FGF12: variants seen among roughly 807,000 people sequenced by gnomAD.
The protein encoded by FGF12 is fibroblast growth factor 12.
Under a neutral mutation model 23.6 loss-of-function variants are expected in FGF12, and 14 were observed. The ratio of observed to expected loss-of-function variants is 0.59; its 90% CI spans 0.39 to 0.93. FGF12 has a LOEUF of 0.93. Ranked by LOEUF, FGF12 falls within the 40% of genes least tolerant of loss-of-function variation. FGF12 has a pLI of 0.00. For synonymous variants in FGF12, 62 were observed against 77.3 expected (o/e 0.80, Z 1.04); for missense variants, 175 against 217.8 (o/e 0.80, Z 1.24).
At chr3:192,552,103 G>C (rs1711550534) in intron 2 of FGF12, among the ~76,000 whole-genome samples, 1 of 151,998 alleles carries the variant, frequency 6.6e-6, no homozygotes, top group South Asian at 2.1e-4. Context: ...GGACTAATGA[G>C]AATTCTATAA....
intron 2 of FGF12, among the ~76,000 whole-genome samples, chr3:192,459,194 A>C (rs2108806222): frequency 6.6e-6 from 1 of 152,336 alleles, no homozygotes; most frequent in Non-Finnish European, 1.5e-5. Flanking sequence ...TTGTAACATA[A>C]TTCCTAGAAT....
intron 2 of FGF12, among the ~76,000 whole-genome samples, chr3:192,406,880 G>A (rs973899036): frequency 3.9e-5 from 6 of 152,132 alleles, no homozygotes; most frequent in East Asian, 1.9e-4. Context: ...CCAACAGCAC[G>A]CCACAGTCAG....
intron 2 of FGF12, among the ~76,000 whole-genome samples, chr3:192,622,727 C>A (rs1715017871): frequency 6.6e-6 from 1 of 152,110 alleles, no homozygotes; most frequent in African/African-American, 2.4e-5. Flanking sequence ...ACCTTGTACC[C>A]ACAAATAAAC....
chr3:192,158,122 T>C (rs1379985499), intron 5 of FGF12, among the ~76,000 whole-genome samples: 1 of 152,124 alleles, frequency 6.6e-6, no homozygotes, highest in Non-Finnish European at 1.5e-5. Context: ...TGGTCGTAAG[T>C]CAAAACCTTG....
At chr3:192,635,909 T>A (rs1376511098) in intron 2 of FGF12, among the ~76,000 whole-genome samples, 1 of 152,190 alleles carries the variant, frequency 6.6e-6, no homozygotes, top group South Asian at 2.1e-4. Flanking sequence ...CAAGTCTTAA[T>A]TGATGATGTC....
chr3:192,600,616 C>T lies in FGF12; in HGVS notation c.13+126565G>A, dbSNP rs773554362. Among the ~76,000 whole-genome samples the T allele has an allele frequency of 8.6e-5, 13 of 151,880 alleles. 1 individual carries two copies. Among genetic ancestry groups the T allele is most frequent in the Non-Finnish European group, 1.8e-4 (12 of 67,920 alleles). On this transcript the variant is annotated intron_variant, in intron 2 of 5. Transcript: ENST00000445105. ...TCTCAACAGCAAAAAACAAACAATT[C>T]AATTTAAAAATGGGCAAATGAACTG... is the stretch of plus-strand genomic sequence containing the variant.
chr3:192,541,830 C>T (rs1577044587), intron 2 of FGF12, among the ~76,000 whole-genome samples: 1 of 151,890 alleles, frequency 6.6e-6, no homozygotes, highest in Non-Finnish European at 1.5e-5. Context: ...TCCTTCAGCA[C>T]GTTAAATATG....
chr3:192,618,382 G>A (rs916551447), intron 2 of FGF12, among the ~76,000 whole-genome samples: 1 of 151,966 alleles, frequency 6.6e-6, no homozygotes, highest in African/African-American at 2.4e-5. Context: ...AGTCCATCAA[G>A]TTCTGGCAGA....
At chr3:192,327,923 T>A (rs903661806) in intron 4 of FGF12, among the ~76,000 whole-genome samples, 7 of 152,336 alleles carry the variant, frequency 4.6e-5, no homozygotes, top group African/African-American at 1.4e-4. Flanking sequence ...CAAACTGCAT[T>A]ATTTTTAAGT....
chr3:192,567,803 CTT>C (rs1712407258), intron 2 of FGF12, among the ~76,000 whole-genome samples: 1 of 99,720 alleles, frequency 1.0e-5, no homozygotes, highest in East Asian at 2.7e-4. Flanking sequence ...CTTTCTTTCT[CTT>C]TCTTTCTTTC....
intron 2 of FGF12, among the ~76,000 whole-genome samples, chr3:192,418,819 G>A (rs368994536): frequency 2.0e-5 from 3 of 152,104 alleles, no homozygotes; most frequent in Non-Finnish European, 2.9e-5. Context: ...CCCAAGCTAC[G>A]CTTCCTGTAC....
chr3:192,250,169 G>A (rs28599863), intron 4 of FGF12, among the ~76,000 whole-genome samples: 2,867 of 152,108 alleles, frequency 0.019, 72 homozygotes, highest in African/African-American at 0.054. Flanking sequence ...ATAACCTAAC[G>A]TTTTAGGGTA....
chr3:192,368,887 C>CACCTCTGCCTGAAAAGCACA (rs1719103631), intron 2 of FGF12, among the ~76,000 whole-genome samples: 1 of 152,160 alleles, frequency 6.6e-6, no homozygotes, highest in South Asian at 2.1e-4. Context: ...CTTCTGTAGA[C>CACCTCTGCCTGAAAAGCACA]ACCTCTGCCT....
chr3:192,607,418 G>T (rs182726527), intron 2 of FGF12, among the ~76,000 whole-genome samples: 1 of 152,144 alleles, frequency 6.6e-6, no homozygotes, highest in Non-Finnish European at 1.5e-5. Flanking sequence ...TGGAAGAGGA[G>T]GAGTTTCAGG....
chr3:192,480,707 A>C (rs895385393), intron 2 of FGF12, among the ~76,000 whole-genome samples: 1 of 152,212 alleles, frequency 6.6e-6, no homozygotes, highest in Non-Finnish European at 1.5e-5. Context: ...TTCTGTCCAA[A>C]GTCCCAATCA....
chr3:192,359,102 G>A (rs968437733), intron 3 of FGF12, among the ~76,000 whole-genome samples: 1 of 152,216 alleles, frequency 6.6e-6, no homozygotes, highest in Non-Finnish European at 1.5e-5. Flanking sequence ...ATCATTTAAA[G>A]AATGCTTTCA....
chr3:192,165,613 C>A (rs1444166456), intron 5 of FGF12, among the ~76,000 whole-genome samples: 1 of 151,626 alleles, frequency 6.6e-6, no homozygotes, highest in East Asian at 1.9e-4. Flanking sequence ...CTAGCTTGAA[C>A]ATGGCATTCC....
chr3:192,409,082 G>T lies in FGF12; in HGVS notation c.14-48544C>A. 1 of 532,632 alleles carries T rather than the reference G, an allele frequency of 1.9e-6. No homozygotes were observed. The highest frequency in any genetic ancestry group is 2.4e-6 in the Non-Finnish European group (1 of 416,402). The allele number at this position is 532,632 out of a possible 1,614,324, so 33.0% of individuals were successfully genotyped here. ...GAGCGGGAGGCGAGGGAGGGGGGAG[G>T]GCGCGAGGGAGGGAGGGAGATCCTC... is the stretch of plus-strand genomic sequence containing the variant. On this transcript the variant is annotated intron_variant, in intron 2 of 5. Transcript: ENST00000445105. The surrounding 1 kb of genome is among the most constrained non-coding windows in gnomAD (Gnocchi z 4.8).
chr3:192,228,485 A>G (rs747126756), intron 4 of FGF12, among the ~76,000 whole-genome samples: 7 of 152,238 alleles, frequency 4.6e-5, no homozygotes, highest in South Asian at 2.1e-4. Context: ...TGTTTTATCT[A>G]TGTAGCAAAG....
Sources: allele counts gnomAD v4.1 joint callset (sites outside exome capture counted in the v4.1 genomes callset), GRCh38; gene constraint gnomAD v4.1.1; non-coding constraint Gnocchi (gnomAD v3.1); transcripts MANE v1.5; gene names NCBI Gene and HGNC (gene_info 2026-07-23, HGNC 2026-07-21).